EYS: variants seen among roughly 807,000 people sequenced by gnomAD.
EYS encodes the protein EGF-like photoreceptor maintenance factor.
A neutral mutation model predicts 282.1 loss-of-function variants in EYS; 250 were observed. The observed-to-expected ratio is 0.89, with a 90% CI of 0.80 to 0.98. The LOEUF is 0.98. Among genes scored for constraint, EYS ranks in the 50% least tolerant of loss-of-function variants. The pLI is 0.00. For missense variants in EYS, 4,016 were observed against 3,709.0 expected (o/e 1.08, Z -2.15); for synonymous variants, 1,355 against 1,282.9 (o/e 1.06, Z -1.20).
At chr6:64,529,423 C>A (rs573365292) in intron 26 of EYS, among the ~76,000 whole-genome samples, 14 of 152,066 alleles carry the variant, frequency 9.2e-5, no homozygotes, top group Non-Finnish European at 1.8e-4. Flanking sequence ...TTGTACCATT[C>A]TCCCAGACTT....
At chr6:64,051,678 C>G (rs751357466) in intron 33 of EYS, among the ~76,000 whole-genome samples, 3 of 152,036 alleles carry the variant, frequency 2.0e-5, no homozygotes, top group Non-Finnish European at 2.9e-5. Flanking sequence ...GATAAATGAG[C>G]ATGATTGTTC....
intron 12 of EYS, among the ~76,000 whole-genome samples, chr6:65,230,765 T>A (rs1766751178): frequency 1.3e-5 from 2 of 151,700 alleles, no homozygotes; most frequent in East Asian, 1.9e-4. Flanking sequence ...GTCTGGAATA[T>A]CCCTCTTTTA....
intron 1 of EYS, among the ~76,000 whole-genome samples, chr6:65,684,826 A>C (rs1156997990): frequency 6.6e-6 from 1 of 151,960 alleles, no homozygotes; most frequent in Non-Finnish European, 1.5e-5. Context: ...TATGATAAGT[A>C]GTTTTTCGTT....
intron 11 of EYS, among the ~76,000 whole-genome samples, chr6:65,318,151 G>A (rs1390104751): frequency 6.8e-6 from 1 of 146,002 alleles, no homozygotes; most frequent in African/African-American, 2.5e-5. Flanking sequence ...ACATGCGTGA[G>A]CCACCGCGCC....
intron 21 of EYS, among the ~76,000 whole-genome samples, chr6:64,819,053 A>G (rs1764822914): frequency 1.3e-5 from 2 of 152,136 alleles, no homozygotes; most frequent in Admixed American, 6.6e-5. Flanking sequence ...TTCAGTTAGT[A>G]CTGCCTATCT....
At chr6:65,456,326 G>C (rs758395271) in intron 5 of EYS, among the ~76,000 whole-genome samples, 1 of 151,494 alleles carries the variant, frequency 6.6e-6, no homozygotes, top group African/African-American at 2.4e-5. Flanking sequence ...GTGGAGTGCC[G>C]GTAGTCCCAG....
At chr6:65,475,038 T>C (rs1300465065) in intron 5 of EYS, among the ~76,000 whole-genome samples, 1 of 152,096 alleles carries the variant, frequency 6.6e-6, no homozygotes, top group Admixed American at 6.6e-5. Flanking sequence ...CAGCTATTGA[T>C]AAAAGTCAGA....
chr6:64,937,962 T>C (rs1371192426), intron 15 of EYS, among the ~76,000 whole-genome samples: 1 of 151,618 alleles, frequency 6.6e-6, no homozygotes, highest in African/African-American at 2.4e-5. Flanking sequence ...ACAAAGTCCT[T>C]ATAACTGCTA....
intron 12 of EYS, among the ~76,000 whole-genome samples, chr6:65,069,953 T>A (rs1773858084): frequency 6.6e-6 from 1 of 151,970 alleles, no homozygotes; most frequent in African/African-American, 2.4e-5. Flanking sequence ...TCTATATAGA[T>A]GCTCCTGTCA....
chr6:64,376,790 T>C (rs1410312545), intron 29 of EYS, among the ~76,000 whole-genome samples: 1 of 78,622 alleles, frequency 1.3e-5, no homozygotes, highest in Non-Finnish European at 3.0e-5. Context: ...ATAATAAAAT[T>C]TATTTTTTTT....
chr6:65,668,724 A>C (rs1175429349), intron 1 of EYS, among the ~76,000 whole-genome samples: 2 of 151,856 alleles, frequency 1.3e-5, no homozygotes, highest in Non-Finnish European at 2.9e-5. Flanking sequence ...AAGATCTCTT[A>C]TTAGCCTTTA....
In EYS at chr6:64,690,510, T is replaced by C. The variant is rs566766462; in HGVS notation, c.3444-64265A>G. Reference sequence around the variant, plus strand: ...CCCAAAGGATTATAAATCATGCCACTATAAAGACACAGGCATGCGCTTGTT... The same window carrying C: ...CCCAAAGGATTATAAATCATGCCACCATAAAGACACAGGCATGCGCTTGTT... On this transcript the variant is annotated intron_variant, in intron 22 of 42. Coordinates refer to ENST00000503581, the MANE Select transcript of EYS (RefSeq NM_001142800.2). 2.0e-5 allele frequency among the ~76,000 whole-genome samples: 3 copies of C among 152,270 alleles called. No homozygotes were observed. The South Asian group carries it at 6.2e-4, about 32-fold the overall frequency.
intron 2 of EYS, among the ~76,000 whole-genome samples, chr6:65,560,406 T>A (rs1265956857): frequency 6.8e-6 from 1 of 146,150 alleles, no homozygotes; most frequent in East Asian, 2.0e-4. Context: ...TATAACATAA[T>A]TATATAATAA....
chr6:63,859,627 T>C (rs1562064097), intron 36 of EYS, among the ~76,000 whole-genome samples: 1 of 147,170 alleles, frequency 6.8e-6, no homozygotes, highest in Non-Finnish European at 1.5e-5. Flanking sequence ...TTCTAATAAA[T>C]GCTACTGCCA....
chr6:64,575,831 T>C (rs766848697), intron 26 of EYS, among the ~76,000 whole-genome samples: 1 of 152,026 alleles, frequency 6.6e-6, no homozygotes, highest in Non-Finnish European at 1.5e-5. Flanking sequence ...AGAGAGTATA[T>C]GGAATTAAAT....
chr6:64,089,950 A>G (rs1772296094), intron 31 of EYS, among the ~76,000 whole-genome samples: 1 of 152,140 alleles, frequency 6.6e-6, no homozygotes, highest in East Asian at 1.9e-4. Flanking sequence ...GTCACTTCCA[A>G]TCTAGCATTA....
chr6:65,158,022 A>C (rs978755902), intron 12 of EYS, among the ~76,000 whole-genome samples: 1 of 150,920 alleles, frequency 6.6e-6, no homozygotes, highest in Admixed American at 6.6e-5. Context: ...AATCTTTTGT[A>C]ATATCATACC....
intron 5 of EYS, among the ~76,000 whole-genome samples, chr6:65,481,250 C>T (rs556396037): frequency 3.3e-5 from 5 of 151,260 alleles, no homozygotes; most frequent in African/African-American, 1.2e-4. Context: ...TAAGTGTCAA[C>T]CAAAAAAAGC....
chr6:65,070,569 G>A (rs960401789), intron 12 of EYS, among the ~76,000 whole-genome samples: 2 of 151,526 alleles, frequency 1.3e-5, no homozygotes, highest in Non-Finnish European at 2.9e-5. Flanking sequence ...ATCATGGCTA[G>A]GGATTTTAAT....
Sources: gnomAD v4.1 joint callset for allele counts (sites outside exome capture counted in the v4.1 genomes callset) on GRCh38, gnomAD v4.1.1 for gene constraint, MANE v1.5 for transcripts, NCBI Gene and HGNC (gene_info 2026-07-23, HGNC 2026-07-21) for gene names.